The following ST3GAL3 variants were observed in gnomAD, a reference collection of about 807,000 sequenced individuals.
ST3GAL3 encodes the protein CMP-N-acetylneuraminate-beta-1,4-galactoside alpha-2,3-sialyltransferase.
In ST3GAL3, 21 loss-of-function variants were observed where a neutral mutation model predicts 50.1. That is an observed-to-expected ratio of 0.42 (90% confidence interval 0.30 to 0.60). The LOEUF (loss-of-function observed/expected upper bound fraction) is 0.60, where lower values mean the gene tolerates loss of function less well. Ranked by LOEUF, ST3GAL3 falls within the 20% of genes least tolerant of loss-of-function variation. The pLI is 0.19. For missense variants in ST3GAL3, 353 were observed against 489.4 expected (o/e 0.72, Z 2.63); for synonymous variants, 183 against 190.0 (o/e 0.96, Z 0.30).
intron 2 of ST3GAL3, among the ~76,000 whole-genome samples, chr1:43,781,054 G>A (rs557077573): frequency 1.8e-4 from 28 of 152,226 alleles, no homozygotes; most frequent in African/African-American, 6.0e-4. Flanking sequence ...TGTATTTCAC[G>A]TTCAGTTCAA....
chr1:43,857,586 C>CCCTTCCTTCCTTCCTT (rs1178598580), intron 5 of ST3GAL3, among the ~76,000 whole-genome samples: 47 of 85,940 alleles, frequency 5.5e-4, no homozygotes, highest in Admixed American at 6.3e-4. Flanking sequence ...CTTCCTCCCT[C>CCCTTCCTTCCTTCCTT]CCTTCCTTCC....
At chr1:43,903,706 A>G (rs2078677911) in intron 9 of ST3GAL3, among the ~76,000 whole-genome samples, 1 of 152,210 alleles carries the variant, frequency 6.6e-6, no homozygotes, top group South Asian at 2.1e-4. Context: ...CCAAGGCCCC[A>G]CATTCAAGCA....
intron 5 of ST3GAL3, among the ~76,000 whole-genome samples, chr1:43,862,768 T>A (rs1198062978): frequency 1.3e-5 from 2 of 149,910 alleles, no homozygotes; most frequent in African/African-American, 5.0e-5. Flanking sequence ...AAAAAAAAAT[T>A]TAATTAGCAT....
intron 2 of ST3GAL3, among the ~76,000 whole-genome samples, chr1:43,761,511 A>G (rs1177590963): frequency 6.6e-6 from 1 of 152,036 alleles, no homozygotes; most frequent in Admixed American, 6.6e-5. Flanking sequence ...AAAAAGAGAG[A>G]AGGAGAAAGA....
rs564269552 is a variant in ST3GAL3, at chr1:43,768,338, G to A, written c.119-23764G>A. On this transcript the variant is annotated intron_variant, in intron 2 of 11. Coordinates refer to ENST00000347631, the MANE Select transcript of ST3GAL3 (RefSeq NM_006279.5). ...GCCTGCAGTCCTAGCTACTCCAGGT[G>A]GCTGAAGCAGGAGACTCACTTGAGC... 2.0e-5 allele frequency among the ~76,000 whole-genome samples: 3 copies of A among 152,274 alleles called. No individual in the cohort carries two copies. The East Asian group carries it at 5.8e-4, about 29-fold the overall frequency.
chr1:43,796,756 A>C (rs2058725023), intron 3 of ST3GAL3, among the ~76,000 whole-genome samples: 2 of 152,266 alleles, frequency 1.3e-5, no homozygotes, highest in South Asian at 4.1e-4. Context: ...AAAGTTAATC[A>C]ACCAATGCCA....
At chr1:43,820,773 G>T (rs2061991616) in intron 4 of ST3GAL3, among the ~76,000 whole-genome samples, 1 of 152,134 alleles carries the variant, frequency 6.6e-6, no homozygotes, top group African/African-American at 2.4e-5. Context: ...ATCTGTTGTT[G>T]AAGAAGGCAG....
intron 2 of ST3GAL3, among the ~76,000 whole-genome samples, chr1:43,778,651 T>C (rs1227403365): frequency 2.1e-5 from 3 of 142,714 alleles, no homozygotes; most frequent in Admixed American, 6.9e-5. Context: ...TTTCTTTTTT[T>C]TTTTTTTTTT....
At chr1:43,918,009 T>C (rs1282319128) in intron 9 of ST3GAL3, among the ~76,000 whole-genome samples, 1 of 151,298 alleles carries the variant, frequency 6.6e-6, no homozygotes, top group Non-Finnish European at 1.5e-5. Context: ...CACTTAAAAA[T>C]GTTTATGAAG....
intron 9 of ST3GAL3, among the ~76,000 whole-genome samples, chr1:43,905,044 T>C (rs1484568079): frequency 3.3e-5 from 4 of 122,178 alleles, no homozygotes; most frequent in Non-Finnish European, 5.2e-5. Flanking sequence ...CCCCTGCTCC[T>C]CTTCCCACCA....
intron 5 of ST3GAL3, among the ~76,000 whole-genome samples, chr1:43,882,943 A>ATTTATTTT: frequency 2.6e-5 from 1 of 38,334 alleles, no homozygotes. Flanking sequence ...CCATTCTTTT[A>ATTTATTTT]TTTATTTATT....
intron 2 of ST3GAL3, among the ~76,000 whole-genome samples, chr1:43,748,963 TACTTC>T: frequency 6.6e-6 from 1 of 152,370 alleles, no homozygotes; most frequent in South Asian, 2.1e-4. Context: ...GAGCTTACAC[TACTTC>T]ACTTCAAGTC....
chr1:43,802,346 C>T (rs1226813746), intron 3 of ST3GAL3, among the ~76,000 whole-genome samples: 1 of 152,208 alleles, frequency 6.6e-6, no homozygotes, highest in Non-Finnish European at 1.5e-5. Flanking sequence ...AACAGTTCTT[C>T]CTTTTCCTTA....
At chr1:43,796,314 G>T (rs1173896921) in intron 3 of ST3GAL3, among the ~76,000 whole-genome samples, 2 of 152,356 alleles carry the variant, frequency 1.3e-5, no homozygotes, top group Non-Finnish European at 2.9e-5. Flanking sequence ...CCAGGAAGGG[G>T]AGTCACAAGA....
intron 5 of ST3GAL3, chr1:43,841,493 T>A (rs538045535): frequency 6.6e-6 from 1 of 152,358 alleles, no homozygotes; most frequent in African/African-American, 2.4e-5. Context: ...CTTGCATTCT[T>A]CAAAGTGGCA....
intron 5 of ST3GAL3, among the ~76,000 whole-genome samples, chr1:43,882,139 C>T (rs2075249762): frequency 1.3e-5 from 2 of 152,228 alleles, no homozygotes; most frequent in African/African-American, 2.4e-5. Context: ...TTGGTCAGCC[C>T]TGTGTGGCTC....
chr1:43,853,162 T>C (rs1453828054), intron 5 of ST3GAL3, among the ~76,000 whole-genome samples: 1 of 152,166 alleles, frequency 6.6e-6, no homozygotes, highest in Non-Finnish European at 1.5e-5. Context: ...TGGTGGCCAG[T>C]AGGGCCACTC....
At chr1:43,906,058 C>T (rs1571168568) in intron 9 of ST3GAL3, among the ~76,000 whole-genome samples, 1 of 105,160 alleles carries the variant, frequency 9.5e-6, no homozygotes, top group East Asian at 3.4e-4. Flanking sequence ...CCCTCCTGCT[C>T]CTCTTCCTGC....
intron 5 of ST3GAL3, among the ~76,000 whole-genome samples, chr1:43,865,938 A>G (rs969182378): frequency 5.3e-5 from 8 of 152,198 alleles, no homozygotes; most frequent in African/African-American, 1.9e-4. Flanking sequence ...GGGATACATT[A>G]TGTCAGTAGC....
Sources: gnomAD v4.1 joint callset for allele counts (sites outside exome capture counted in the v4.1 genomes callset) on GRCh38, gnomAD v4.1.1 for gene constraint, MANE v1.5 for transcripts, NCBI Gene and HGNC (gene_info 2026-07-23, HGNC 2026-07-21) for gene names.